SHROOM3: variants seen among roughly 807,000 people sequenced by gnomAD.
SHROOM3 encodes the protein shroom family member 3.
SHROOM3 carries 47 observed loss-of-function variants against 138.6 expected under a neutral mutation model. That is an observed-to-expected ratio of 0.34 (90% CI 0.27 to 0.43). The LOEUF (loss-of-function observed/expected upper bound fraction) is 0.43. Among genes scored for constraint, SHROOM3 ranks in the 20% least tolerant of loss-of-function variants. The pLI, the probability that SHROOM3 is intolerant of heterozygous loss-of-function variation, is 1.00. For synonymous variants in SHROOM3, 1,062 were observed against 1,063.3 expected (o/e 1.00, Z 0.02); for missense variants, 2,491 against 2,596.5 (o/e 0.96, Z 0.88).
chr4:76,778,876 A>G lies in SHROOM3; in HGVS notation c.5690A>G (p.Asn1897Ser). ...GAGGATGCCCGGGAGCTGAAGGAGA[A>G]CCTGGATCGCAGGGAGCGAGTAGTG... Reference protein sequence around the residue: ...QHEDARELKENLDRRERVVLG... With the variant: ...QHEDARELKESLDRRERVVLG... The change falls in exon 11 of 11, where the codon AAC becomes AGC. Residue 1897 changes from asparagine (N) to serine (S), a missense_variant. Transcript: ENST00000296043. The G allele has an allele frequency of 6.2e-7, 1 of 1,613,112 alleles. No homozygotes were observed. The highest frequency in any genetic ancestry group is 8.5e-7 in the Non-Finnish European group (1 of 1,180,028).
Position 76,779,415 on chromosome 4 carries a change from A to T in SHROOM3, c.*238A>T. On this transcript the variant is annotated 3_prime_UTR_variant, in exon 11 of 11. Coordinates refer to ENST00000296043, the MANE Select transcript of SHROOM3 (RefSeq NM_020859.4). ...CCTTTCTATTATTACTTTGTAGTAG[A>T]AAGAAAGTTAATGAAACTGAGAACT... 2.1e-6 allele frequency: 1 copy of T among 485,572 alleles called. No individual in the cohort carries two copies. The highest frequency in any genetic ancestry group is 3.6e-6 in the Non-Finnish European group (1 of 277,470). 30.1% of individuals were successfully genotyped at this position (485,572 alleles called of 1,614,324 possible).
intron 5 of SHROOM3, 35 bp from the exon 6 acceptor site, chr4:76,748,982 T>G: frequency 6.2e-7 from 1 of 1,605,706 alleles, no homozygotes; most frequent in Non-Finnish European, 8.5e-7. Context: ...CACCCGTTTA[T>G]TGGCAGTAAT....
intron 1 of SHROOM3, among the ~76,000 whole-genome samples, chr4:76,475,175 T>C (rs1365730382): frequency 6.6e-6 from 1 of 152,154 alleles, no homozygotes. Context: ...AATAATACAA[T>C]GTATATGAAT....
chr4:76,694,149 A>C (rs562572070), intron 2 of SHROOM3, among the ~76,000 whole-genome samples: 1 of 152,348 alleles, frequency 6.6e-6, no homozygotes, highest in East Asian at 1.9e-4. Flanking sequence ...ACTCCAAGTG[A>C]GGCATTTTGT....
At chr4:76,531,796 C>T (rs1485233144) in intron 1 of SHROOM3, among the ~76,000 whole-genome samples, 2 of 151,964 alleles carry the variant, frequency 1.3e-5, no homozygotes, top group Non-Finnish European at 2.9e-5. Flanking sequence ...TCCTGAAAGT[C>T]GTGAGCAAGG....
chr4:76,439,917 G>A (rs138917960), intron 1 of SHROOM3, among the ~76,000 whole-genome samples: 25 of 152,296 alleles, frequency 1.6e-4, no homozygotes, highest in Admixed American at 5.2e-4. Context: ...TGTGGAAAGC[G>A]CCTCTGTAAT....
intron 2 of SHROOM3, among the ~76,000 whole-genome samples, chr4:76,576,336 T>C (rs1733940469): frequency 6.6e-6 from 1 of 152,230 alleles, no homozygotes; most frequent in Non-Finnish European, 1.5e-5. Context: ...AATGAGATCC[T>C]GCCATTTGCA....
At chr4:76,516,200 T>C (rs529351629) in intron 1 of SHROOM3, among the ~76,000 whole-genome samples, 7 of 152,328 alleles carry the variant, frequency 4.6e-5, no homozygotes, top group African/African-American at 1.7e-4. Flanking sequence ...CCTCCTACTA[T>C]TACTCAAATG....
chr4:76,517,326 A>G (rs1185614854), intron 1 of SHROOM3, among the ~76,000 whole-genome samples: 1 of 152,158 alleles, frequency 6.6e-6, no homozygotes, highest in Non-Finnish European at 1.5e-5. Flanking sequence ...CACCTGGACT[A>G]TCAAAGATAC....
intron 10 of SHROOM3, among the ~76,000 whole-genome samples, chr4:76,774,771 G>A (rs1722493956): frequency 7.0e-6 from 1 of 143,202 alleles, no homozygotes; most frequent in Non-Finnish European, 1.5e-5. Context: ...GGAAACTTAT[G>A]CCAATAAGCC....
At chr4:76,685,755 G>T (rs999572119) in intron 2 of SHROOM3, among the ~76,000 whole-genome samples, 1 of 152,188 alleles carries the variant, frequency 6.6e-6, no homozygotes, top group Non-Finnish European at 1.5e-5. Context: ...GACACGGGCA[G>T]ATCACTTGAG....
chr4:76,443,802 A>T (rs1579157276), intron 1 of SHROOM3, among the ~76,000 whole-genome samples: 1 of 152,194 alleles, frequency 6.6e-6, no homozygotes, highest in East Asian at 1.9e-4. Flanking sequence ...AGACCGATGT[A>T]CAGAACACTC....
At chr4:76,489,920 A>G (rs910324373) in intron 1 of SHROOM3, among the ~76,000 whole-genome samples, 12 of 152,208 alleles carry the variant, frequency 7.9e-5, no homozygotes, top group African/African-American at 1.9e-4. Context: ...AAAGAACAAA[A>G]GCAGGGATTT....
intron 2 of SHROOM3, among the ~76,000 whole-genome samples, chr4:76,605,399 G>A (rs1001673658): frequency 6.6e-6 from 1 of 152,126 alleles, no homozygotes; most frequent in Non-Finnish European, 1.5e-5. Context: ...TCTAAGAAAA[G>A]TTGGAAAAAT....
At chr4:76,627,154 T>C (rs772567351) in intron 2 of SHROOM3, among the ~76,000 whole-genome samples, 1 of 152,188 alleles carries the variant, frequency 6.6e-6, no homozygotes, top group East Asian at 1.9e-4. Flanking sequence ...CTTTGGGGGA[T>C]GCGAGTAGGG....
intron 2 of SHROOM3, among the ~76,000 whole-genome samples, chr4:76,671,978 G>C (rs555562605): frequency 1.3e-5 from 2 of 152,146 alleles, no homozygotes; most frequent in East Asian, 3.9e-4. Context: ...CAGATTTTGG[G>C]GCAGTTTGGA....
intron 2 of SHROOM3, among the ~76,000 whole-genome samples, chr4:76,677,761 C>T (rs1719081688): frequency 6.6e-6 from 1 of 152,164 alleles, no homozygotes; most frequent in African/African-American, 2.4e-5. Flanking sequence ...ATATTTTTCC[C>T]CCATCTTATC....
rs1722750256 is a variant in SHROOM3, at chr4:76,782,168, A to G, written c.*2991A>G. ...TCTTGCGGTGGCCACTTAACCCCAA[A>G]GAATGAAGGGAGGATCCACAGTGAA... is the stretch of plus-strand genomic sequence containing the variant. On this transcript the variant is annotated 3_prime_UTR_variant, in exon 11 of 11. Coordinates refer to ENST00000296043, the MANE Select transcript of SHROOM3 (RefSeq NM_020859.4). 1 of 152,192 alleles carries G rather than the reference A, an allele frequency of 6.6e-6. No homozygotes were observed. Among genetic ancestry groups the G allele is most frequent in the African/African-American group, 2.4e-5 (1 of 41,444 alleles). 9.4% of individuals were successfully genotyped at this position (152,192 alleles called of 1,614,324 possible).
chr4:76,742,817 C>T (rs1481348434), intron 5 of SHROOM3, among the ~76,000 whole-genome samples: 1 of 152,136 alleles, frequency 6.6e-6, no homozygotes, highest in Non-Finnish European at 1.5e-5. Flanking sequence ...CCTGTTAGCA[C>T]AGGGGAGGAA....
Sources: allele counts gnomAD v4.1 joint callset (sites outside exome capture counted in the v4.1 genomes callset), GRCh38; gene constraint gnomAD v4.1.1; transcripts MANE v1.5; gene names NCBI Gene and HGNC (gene_info 2026-07-23, HGNC 2026-07-21).